Variants in MACF1 observed in about 807,000 individuals in gnomAD.
The protein encoded by MACF1 is microtubule-actin cross-linking factor 1.
In MACF1, 193 loss-of-function variants were observed where a neutral mutation model predicts 854.8. The observed-to-expected ratio is 0.23, with a 90% CI of 0.20 to 0.25. The LOEUF (loss-of-function observed/expected upper bound fraction) is 0.25. Among genes scored for constraint, MACF1 ranks in the 10% least tolerant of loss-of-function variants. The pLI is 1.00. For missense variants in MACF1, 7,722 were observed against 8,929.1 expected, an observed-to-expected ratio of 0.86 and a Z score of 5.45; for synonymous variants, 3,185 against 3,226.7, an observed-to-expected ratio of 0.99 and a Z score of 0.44.
chr1:39,221,257 T>C (rs1263272883), intron 1 of MACF1, among the ~76,000 whole-genome samples: 1 of 152,136 alleles, frequency 6.6e-6, no homozygotes. Context: ...TATAGGGTTG[T>C]AGAGAGCTTT....
intron 2 of MACF1, among the ~76,000 whole-genome samples, chr1:39,239,205 C>T (rs910208279): frequency 6.6e-6 from 1 of 152,132 alleles, no homozygotes; most frequent in Non-Finnish European, 1.5e-5. Flanking sequence ...CGCTTGAACA[C>T]GGGAGATGGA....
At chr1:39,437,300 G>GT (rs999593590) in intron 70 of MACF1, among the ~76,000 whole-genome samples, 1 of 145,264 alleles carries the variant, frequency 6.9e-6, no homozygotes, top group East Asian at 2.0e-4. Flanking sequence ...TTTTGTTGTT[G>GT]TTTTTTTCTT....
chr1:39,387,769 A>G lies in MACF1; in HGVS notation c.14927A>G (p.Asp4976Gly), dbSNP rs1338048361. The change falls in exon 58 of 101, where the codon GAT becomes GGT. Residue 4976 changes from aspartate (D) to glycine (G), a missense_variant. By Grantham distance (94) the Asp-to-Gly change is moderately conservative. Coordinates refer to ENST00000564288, the MANE Select transcript of MACF1 (RefSeq NM_001394062.1). ...ATTCTGATCAATTCTTCAGAAGCAG[A>G]TGAGGATGGAATCCGGGATGAGAAG... ...ADILINSSEA[D>G]EDGIRDEKAG... 6.2e-7 allele frequency: 1 copy of G among 1,614,208 alleles called. No homozygotes were observed. Among genetic ancestry groups the G allele is most frequent in the Non-Finnish European group, 8.5e-7 (1 of 1,180,048 alleles).
At chr1:39,371,338 AAAG>A (rs1177616022) in intron 51 of MACF1, among the ~76,000 whole-genome samples, 2 of 150,914 alleles carry the variant, frequency 1.3e-5, no homozygotes, top group Non-Finnish European at 3.0e-5. Flanking sequence ...AAAAAAAAAA[AAAG>A]AGTGATTAAT....
At chr1:39,340,344 T>A (rs1646909561) in intron 38 of MACF1, among the ~76,000 whole-genome samples, 158 bp from the exon 39 acceptor site, 1 of 152,122 alleles carries the variant, frequency 6.6e-6, no homozygotes, top group Non-Finnish European at 1.5e-5. Context: ...CATGAATTAG[T>A]GATTGTGAGA....
chr1:39,316,910 C>G (rs550314972), intron 28 of MACF1, among the ~76,000 whole-genome samples: 1 of 152,162 alleles, frequency 6.6e-6, no homozygotes, highest in Non-Finnish European at 1.5e-5. Flanking sequence ...GATGAGAAAA[C>G]CAACACTTAC....
intron 2 of MACF1, among the ~76,000 whole-genome samples, chr1:39,124,019 C>T (rs1280676358): frequency 6.6e-6 from 1 of 150,978 alleles, no homozygotes; most frequent in African/African-American, 2.4e-5. Flanking sequence ...GGATTACAGG[C>T]GTGAGCTACT....
At chr1:39,257,582 G>A (rs957646161) in intron 5 of MACF1, 3 of 194,828 alleles carry the variant, frequency 1.5e-5, no homozygotes, top group South Asian at 9.2e-5. Flanking sequence ...GATTACAGGC[G>A]TGAGCCATCG....
At chr1:39,254,483 T>G (rs996316444) in intron 5 of MACF1, 108 bp downstream of exon 5, 13 of 942,600 alleles carry the variant, frequency 1.4e-5, no homozygotes, top group Non-Finnish European at 2.2e-5. Context: ...ATGCTAAATC[T>G]GATTGACCCA....
At chr1:39,468,779 G>C in intron 96 of MACF1, 47 bp downstream of exon 96, 2 of 1,505,560 alleles carry the variant, frequency 1.3e-6, no homozygotes, top group Non-Finnish European at 9.2e-7. Flanking sequence ...TATGCCCCCA[G>C]CAGTGATCTT....
intron 21 of MACF1, among the ~76,000 whole-genome samples, chr1:39,299,683 A>G (rs756053058): frequency 7.9e-5 from 12 of 152,216 alleles, no homozygotes; most frequent in Non-Finnish European, 1.5e-4. Context: ...ATCTTTCTCT[A>G]GAAAGCTTGA....
intron 56 of MACF1, among the ~76,000 whole-genome samples, chr1:39,383,296 G>A (rs1430797837): frequency 1.3e-5 from 2 of 152,052 alleles, no homozygotes; most frequent in African/African-American, 4.8e-5. Flanking sequence ...TTTAGTTCCT[G>A]CATCCAGGTA....
intron 58 of MACF1, among the ~76,000 whole-genome samples, chr1:39,421,816 T>G (rs1643547200): frequency 6.6e-6 from 1 of 152,200 alleles, no homozygotes; most frequent in Non-Finnish European, 1.5e-5. Flanking sequence ...GGCTCACGCC[T>G]GTAATCCCAG....
intron 4 of MACF1, 128 bp from the exon 5 acceptor site, chr1:39,254,170 C>T: frequency 1.3e-6 from 1 of 750,222 alleles, no homozygotes; most frequent in Non-Finnish European, 2.2e-6. Flanking sequence ...TTGTGTAATG[C>T]TCCCAGGCCT....
intron 5 of MACF1, 120 bp from the exon 6 acceptor site, chr1:39,257,816 A>C (rs1157362957): frequency 2.8e-6 from 2 of 720,762 alleles, no homozygotes; most frequent in Non-Finnish European, 4.7e-6. Context: ...GTTAAAACTC[A>C]TAGAACTGTA....
At chr1:39,478,988 T>C (rs375386012) in intron 97 of MACF1, among the ~76,000 whole-genome samples, 1 of 152,330 alleles carries the variant, frequency 6.6e-6, no homozygotes, top group African/African-American at 2.4e-5. Flanking sequence ...GTAGCATCTT[T>C]CGCATTTAAC....
chr1:39,120,961 A>T (rs1267276115), intron 2 of MACF1: 1 of 152,392 alleles, frequency 6.6e-6, no homozygotes. Flanking sequence ...ACACTTCACG[A>T]ATTTGTGTGT....
intron 49 of MACF1, among the ~76,000 whole-genome samples, chr1:39,364,232 G>C (rs1648472568): frequency 6.6e-6 from 1 of 152,218 alleles, no homozygotes; most frequent in East Asian, 1.9e-4. Context: ...CATGATATGT[G>C]AATGTGGTTT....
intron 2 of MACF1, among the ~76,000 whole-genome samples, chr1:39,182,475 A>G (rs911768696): frequency 5.3e-5 from 8 of 152,190 alleles, no homozygotes; most frequent in Non-Finnish European, 1.0e-4. Flanking sequence ...AGGGACTTAT[A>G]TCCAAAATAT....
Sources: gnomAD v4.1 joint callset for allele counts (sites outside exome capture counted in the v4.1 genomes callset) on GRCh38, gnomAD v4.1.1 for gene constraint, MANE v1.5 for transcripts, NCBI Gene and HGNC (gene_info 2026-07-23, HGNC 2026-07-21) for gene names.